The following EGF variants were observed in gnomAD, a reference collection of about 807,000 sequenced individuals.
EGF encodes epidermal growth factor.
A neutral mutation model predicts 143.8 loss-of-function variants in EGF; 95 were observed. The ratio of observed to expected loss-of-function variants is 0.66; its 90% CI spans 0.56 to 0.78. EGF has a LOEUF of 0.78. Among genes scored for constraint, EGF ranks in the 30% least tolerant of loss-of-function variants. The pLI, the probability that EGF is intolerant of heterozygous loss-of-function variation, is 0.00. For missense variants in EGF, 1,320 were observed against 1,470.9 expected (o/e 0.90, Z 1.68); for synonymous variants, 510 against 510.5 (o/e 1.00, Z 0.01).
chr4:109,919,684 C>T (rs1737437080), intron 1 of EGF, among the ~76,000 whole-genome samples: 1 of 148,446 alleles, frequency 6.7e-6, no homozygotes, highest in Admixed American at 6.6e-5. Context: ...GCACTGTGGC[C>T]TCACATTGGT....
rs959765266 is a variant in EGF, at chr4:109,959,525, G to T, written c.1066+88G>T. ...ACTGAGCCAGCGGCTTGTCTTCAGT[G>T]GGCCAGCCAGAGACTCAGTGGAAAA... On this transcript the variant is annotated intron_variant, in intron 6 of 23. Coordinates refer to ENST00000265171, the MANE Select transcript of EGF (RefSeq NM_001963.6). 5 of 1,605,628 alleles carry T rather than the reference G, an allele frequency of 3.1e-6. No homozygotes were observed. The Middle Eastern group carries it at 8.8e-4, about 283-fold the overall frequency.
At chr4:109,994,338 G>T (rs1751469865) in intron 19 of EGF, among the ~76,000 whole-genome samples, 1 of 152,134 alleles carries the variant, frequency 6.6e-6, no homozygotes, top group African/African-American at 2.4e-5. Context: ...GCACATTGAT[G>T]GGTAGGTTTT....
chr4:109,929,485 T>C (rs958168947), intron 1 of EGF, among the ~76,000 whole-genome samples: 1 of 152,154 alleles, frequency 6.6e-6, no homozygotes, highest in African/African-American at 2.4e-5. Context: ...GAATAGCACA[T>C]TAAAGACTGA....
intron 22 of EGF, among the ~76,000 whole-genome samples, chr4:110,005,970 A>C (rs1753224653): frequency 6.6e-6 from 1 of 152,168 alleles, no homozygotes; most frequent in Non-Finnish European, 1.5e-5. Context: ...CCAGGTGATC[A>C]TCTTTTCCTA....
chr4:109,927,336 T>C (rs1738851013), intron 1 of EGF, among the ~76,000 whole-genome samples: 2 of 152,120 alleles, frequency 1.3e-5, no homozygotes, highest in African/African-American at 4.8e-5. Flanking sequence ...TTTCAGTAAA[T>C]GCAAACTAAT....
intron 1 of EGF, among the ~76,000 whole-genome samples, chr4:109,926,293 C>T (rs1157868787): frequency 2.0e-5 from 3 of 150,678 alleles, no homozygotes; most frequent in Non-Finnish European, 4.4e-5. Flanking sequence ...TTCAAGGCTG[C>T]AGTGAGCTAG....
chr4:109,929,970 G>A (rs1739395690), intron 1 of EGF, among the ~76,000 whole-genome samples: 3 of 152,114 alleles, frequency 2.0e-5, no homozygotes, highest in South Asian at 4.1e-4. Flanking sequence ...TCATGGGGGC[G>A]GTTTCCCCAG....
intron 15 of EGF, among the ~76,000 whole-genome samples, chr4:109,982,629 TTTTTC>T (rs141563762): frequency 0.029 from 4,427 of 151,988 alleles, 215 homozygotes; most frequent in African/African-American, 0.099. Flanking sequence ...TGCCCGGCCT[TTTTTC>T]TTTTCTTTTC....
chr4:109,974,162 A>C (rs901290630), intron 11 of EGF, among the ~76,000 whole-genome samples: 1 of 152,364 alleles, frequency 6.6e-6, no homozygotes, highest in South Asian at 2.1e-4. Context: ...GCCATTTTAT[A>C]TCAGGGAATT....
At chr4:109,960,829 T>C in intron 6 of EGF, 38 bp from the exon 7 acceptor site, 1 of 1,612,778 alleles carries the variant, frequency 6.2e-7, no homozygotes, top group Non-Finnish European at 8.5e-7. Flanking sequence ...TTTTCAAAAA[T>C]AGCCATTTGA....
At chr4:109,940,459 C>T (rs760402267) in intron 1 of EGF, among the ~76,000 whole-genome samples, 2 of 152,016 alleles carry the variant, frequency 1.3e-5, no homozygotes, top group East Asian at 3.9e-4. Context: ...TTCCTGCTTC[C>T]GTCTAAGACC....
intron 1 of EGF, among the ~76,000 whole-genome samples, chr4:109,915,310 T>C (rs1232853430): frequency 6.6e-6 from 1 of 152,230 alleles, no homozygotes; most frequent in Non-Finnish European, 1.5e-5. Flanking sequence ...CCACTGCTTT[T>C]AGGATTTTTT....
In EGF at chr4:109,991,692, A is replaced by G. The variant is rs571395901; in HGVS notation, c.2735-1555A>G. 2.0e-5 allele frequency among the ~76,000 whole-genome samples: 3 copies of G among 152,364 alleles called. No individual in the cohort carries two copies. In the East Asian group the frequency reaches 5.8e-4, roughly 29 times the overall value. ...AAGCAAAACTGTTGTATTTGATATAATATGTATGTCAATGACAGGATGTCT... is the reference window on the plus strand; with the variant it reads ...AAGCAAAACTGTTGTATTTGATATAGTATGTATGTCAATGACAGGATGTCT... On this transcript the variant is annotated intron_variant, in intron 18 of 23. Coordinates refer to ENST00000265171, the MANE Select transcript of EGF (RefSeq NM_001963.6).
At chr4:110,009,011 A>G (rs1357449526) in intron 23 of EGF, among the ~76,000 whole-genome samples, 1 of 152,186 alleles carries the variant, frequency 6.6e-6, no homozygotes, top group Admixed American at 6.5e-5. Flanking sequence ...TATCAACTCC[A>G]ATTGAATTTT....
At chr4:109,927,811 G>A (rs1215307670) in intron 1 of EGF, among the ~76,000 whole-genome samples, 3 of 64,782 alleles carry the variant, frequency 4.6e-5, no homozygotes, top group Non-Finnish European at 8.0e-5. Flanking sequence ...TTTGCCGTGT[G>A]TGTGTGTGTG....
intron 23 of EGF, among the ~76,000 whole-genome samples, chr4:110,009,949 T>C (rs1005903): frequency 0.28 from 42,583 of 152,034 alleles, 10,831 homozygotes; most frequent in African/African-American, 0.64. Flanking sequence ...AAAATCTGAA[T>C]TCAGACCAGG....
chr4:109,981,044 A>C, intron 15 of EGF, 69 bp downstream of exon 15: 1 of 1,593,490 alleles, frequency 6.3e-7, no homozygotes. Context: ...ATCAATCTTT[A>C]TGCTTTTGCT....
intron 9 of EGF, 79 bp from the exon 10 acceptor site, chr4:109,964,322 T>C (rs1179534623): frequency 6.3e-7 from 1 of 1,594,764 alleles, no homozygotes; most frequent in African/African-American, 1.3e-5. Flanking sequence ...AAAGGTACAG[T>C]GAAAGGGAAG....
intron 16 of EGF, 38 bp from the exon 17 acceptor site, chr4:109,987,706 G>A (rs771923835): frequency 1.3e-6 from 2 of 1,533,190 alleles, no homozygotes; most frequent in East Asian, 2.2e-5. Flanking sequence ...CTTCTCTAAG[G>A]TCTAGAAATA....
Sources: allele counts gnomAD v4.1 joint callset (sites outside exome capture counted in the v4.1 genomes callset), GRCh38; gene constraint gnomAD v4.1.1; transcripts MANE v1.5; gene names NCBI Gene and HGNC (gene_info 2026-07-23, HGNC 2026-07-21).